GRM8: variants seen among roughly 807,000 people sequenced by gnomAD.
The protein encoded by GRM8 is metabotropic glutamate receptor 8.
In GRM8, 47 loss-of-function variants were observed where a neutral mutation model predicts 87.2. The observed-to-expected ratio is 0.54, with a 90% confidence interval of 0.43 to 0.69. The LOEUF (loss-of-function observed/expected upper bound fraction) is 0.69, where lower values mean the gene tolerates loss of function less well. Among genes scored for constraint, GRM8 ranks in the 30% least tolerant of loss-of-function variants. The pLI, the probability that GRM8 is intolerant of heterozygous loss-of-function variation, is 0.00. For synonymous variants in GRM8, 396 were observed against 404.5 expected (o/e 0.98, Z 0.25); for missense variants, 1,019 against 1,139.2 (o/e 0.89, Z 1.52).
chr7:126,769,879 G>A lies in GRM8; in HGVS notation c.1343C>T (p.Ala448Val), dbSNP rs368195877. The A allele has an allele frequency of 1.2e-6, 2 of 1,606,872 alleles. No homozygotes were observed. Among genetic ancestry groups the A allele is most frequent in the Non-Finnish European group, 1.7e-6 (2 of 1,174,228 alleles). The change falls in exon 7 of 11, where the codon GCT (alanine) becomes GTT (valine). Residue 448 changes from alanine (A) to valine (V), a missense_variant. Transcript: ENST00000339582. ...DGKELLGYIR[A>V]VNFNGSAGTP... ...TTGTAACTTACCATTAAAATTTACA[G>A]CCCGAATATAACCAAGTAGCTCTTT... is the stretch of plus-strand genomic sequence containing the variant.
rs1465657185 is a variant in GRM8 at position 126,446,317 on chromosome 7, G to T, written c.2486C>A (p.Ser829Tyr). The T allele has an allele frequency of 6.2e-7, 1 of 1,610,022 alleles. No homozygotes were observed. Among genetic ancestry groups the T allele is most frequent in the Admixed American group, 1.7e-5 (1 of 59,768 alleles). The change falls in exon 10 of 11, where the codon TCT becomes TAT. Residue 829 changes from serine (S) to tyrosine (Y), a missense_variant. Physicochemically the swap from Ser to Tyr is moderately radical, Grantham distance 144 (BLOSUM62 -2). Transcript: ENST00000339582. ...CTTGGGCATATAGAGCATGCCCAGA[G>T]ATACTGAAGCACTTAAACTCATGGA... ...TVSMSLSASV[S>Y]LGMLYMPKVY...
At chr7:127,196,483 C>T (rs186680196) in intron 2 of GRM8, among the ~76,000 whole-genome samples, 102 of 151,900 alleles carry the variant, frequency 6.7e-4, no homozygotes, top group African/African-American at 2.3e-3. Flanking sequence ...CACCACTGCA[C>T]TCCAGCCTGG....
intron 3 of GRM8, among the ~76,000 whole-genome samples, chr7:127,093,253 A>G (rs1304828632): frequency 2.0e-5 from 3 of 152,234 alleles, no homozygotes; most frequent in Non-Finnish European, 4.4e-5. Flanking sequence ...TGGAAACTGC[A>G]CAAGGACTGG....
chr7:127,230,829 G>A (rs1797643129), intron 2 of GRM8, among the ~76,000 whole-genome samples: 1 of 152,098 alleles, frequency 6.6e-6, no homozygotes, highest in African/African-American at 2.4e-5. Context: ...GGGAAAAAAA[G>A]GCTATTGTTT....
chr7:126,897,254 C>T (rs982000423), intron 6 of GRM8, among the ~76,000 whole-genome samples: 1 of 152,094 alleles, frequency 6.6e-6, no homozygotes, highest in Non-Finnish European at 1.5e-5. Flanking sequence ...CTATTGGGTC[C>T]TCACTATAGA....
intron 9 of GRM8, among the ~76,000 whole-genome samples, chr7:126,467,420 A>G (rs1255615768): frequency 6.6e-6 from 1 of 152,094 alleles, no homozygotes; most frequent in Non-Finnish European, 1.5e-5. Flanking sequence ...AAAAAAGAAC[A>G]GATATCGAAG....
chr7:126,562,235 AG>A (rs1793787733), intron 8 of GRM8, among the ~76,000 whole-genome samples: 1 of 152,190 alleles, frequency 6.6e-6, no homozygotes, highest in African/African-American at 2.4e-5. Flanking sequence ...AGCTTTATGT[AG>A]GAGTATTTGG....
At chr7:127,223,465 A>G (rs966462414) in intron 2 of GRM8, among the ~76,000 whole-genome samples, 16 of 150,600 alleles carry the variant, frequency 1.1e-4, no homozygotes, top group African/African-American at 1.9e-4. Context: ...ACACACACAC[A>G]CACACACACA....
chr7:126,804,266 T>G (rs188063658), intron 6 of GRM8, among the ~76,000 whole-genome samples: 2 of 152,354 alleles, frequency 1.3e-5, no homozygotes, highest in East Asian at 3.9e-4. Context: ...AGGAAAGCTC[T>G]TACTTAGCAG....
chr7:127,146,593 T>C (rs1232817893), intron 2 of GRM8, among the ~76,000 whole-genome samples: 1 of 152,058 alleles, frequency 6.6e-6, no homozygotes, highest in East Asian at 1.9e-4. Context: ...CTGAAGAATA[T>C]GAGAACCAGG....
rs552947837 is a variant in GRM8 at position 126,982,420 on chromosome 7, T to C, written c.728-77737A>G. 4.6e-5 allele frequency among the ~76,000 whole-genome samples: 7 copies of C among 152,308 alleles called. No homozygotes were observed. The East Asian group carries it at 1.2e-3, about 25-fold the overall frequency. ...TATCACAAGTCCACCCCTTGACAACTTGAACCTATACACGTCTCCTGAGAT... is the reference window on the plus strand; with the variant it reads ...TATCACAAGTCCACCCCTTGACAACCTGAACCTATACACGTCTCCTGAGAT... On this transcript the variant is annotated intron_variant, in intron 3 of 10. Transcript: ENST00000339582.
chr7:127,167,790 G>T (rs2116290982), intron 2 of GRM8, among the ~76,000 whole-genome samples: 1 of 152,116 alleles, frequency 6.6e-6, no homozygotes, highest in Admixed American at 6.5e-5. Context: ...TCAGACACAA[G>T]ATTAAAATTA....
intron 9 of GRM8, among the ~76,000 whole-genome samples, chr7:126,502,683 G>C (rs1239133524): frequency 6.6e-6 from 1 of 151,986 alleles, no homozygotes; most frequent in Non-Finnish European, 1.5e-5. Flanking sequence ...CTTGGTAAAT[G>C]ACTTGAGAAT....
At chr7:126,824,459 G>T (rs1794580871) in intron 6 of GRM8, among the ~76,000 whole-genome samples, 1 of 152,156 alleles carries the variant, frequency 6.6e-6, no homozygotes, top group African/African-American at 2.4e-5. Context: ...ATAATGGCAG[G>T]TTTCTCCCCA....
intron 3 of GRM8, among the ~76,000 whole-genome samples, chr7:127,041,004 T>C (rs1250190728): frequency 4.6e-5 from 7 of 152,248 alleles, no homozygotes; most frequent in Admixed American, 4.6e-4. Flanking sequence ...AGGTGTTCAA[T>C]TCATGTTTGA....
Position 126,811,710 on chromosome 7 carries a change from T to C in GRM8, c.1157-41645A>G, listed in dbSNP as rs561949282. The stretch of plus-strand genomic sequence containing the variant: ...AAGTTTACTTATTTTTATTTGTTGA[T>C]TTTGTACCCTGAAACTTTACTGGAT... On this transcript the variant is annotated intron_variant, in intron 6 of 10. Coordinates refer to ENST00000339582, the MANE Select transcript of GRM8 (RefSeq NM_000845.3). Among the ~76,000 whole-genome samples the C allele has an allele frequency of 7.2e-5, 11 of 152,208 alleles. No homozygotes were observed. In the South Asian group the frequency reaches 2.3e-3, roughly 32 times the overall value.
chr7:126,833,092 C>A (rs1217309237), intron 6 of GRM8, among the ~76,000 whole-genome samples: 1 of 152,184 alleles, frequency 6.6e-6, no homozygotes, highest in Non-Finnish European at 1.5e-5. Context: ...CTTGAACAAT[C>A]AGTCTCTTGG....
intron 8 of GRM8, among the ~76,000 whole-genome samples, chr7:126,606,525 C>A (rs577796278): frequency 7.2e-5 from 11 of 152,248 alleles, no homozygotes; most frequent in African/African-American, 2.6e-4. Context: ...AAGTTGGTAG[C>A]TTGCCAAGCA....
chr7:126,742,818 CTAGT>C (rs1435996615), intron 7 of GRM8, among the ~76,000 whole-genome samples: 1 of 152,070 alleles, frequency 6.6e-6, no homozygotes, highest in African/African-American at 2.4e-5. Flanking sequence ...ATTCTGGTCA[CTAGT>C]TAATTACTAA....
Sources: gnomAD v4.1 joint callset for allele counts (sites outside exome capture counted in the v4.1 genomes callset) on GRCh38, gnomAD v4.1.1 for gene constraint, MANE v1.5 for transcripts, NCBI Gene and HGNC (gene_info 2026-07-23, HGNC 2026-07-21) for gene names.